Variants in MYO1B observed in about 807,000 individuals in gnomAD.
MYO1B encodes myosin IB.
In MYO1B, 72 loss-of-function variants were observed where a neutral mutation model predicts 159.7. The observed-to-expected ratio is 0.45, with a 90% confidence interval of 0.37 to 0.55. MYO1B has a LOEUF of 0.55. MYO1B is among the 20% of genes least tolerant of loss of function. The pLI is 0.00. For missense variants in MYO1B, 1,062 were observed against 1,364.8 expected, an observed-to-expected ratio of 0.78 and a Z score of 3.50; for synonymous variants, 468 against 473.8, an observed-to-expected ratio of 0.99 and a Z score of 0.16.
chr2:191,254,581 G>A (rs922765530), intron 1 of MYO1B, among the ~76,000 whole-genome samples: 59 of 151,868 alleles, frequency 3.9e-4, no homozygotes, highest in Non-Finnish European at 2.2e-4. Flanking sequence ...TCGTAGCTCG[G>A]TGCAGCCTCA....
At chr2:191,345,191 G>A (rs1276832638) in intron 5 of MYO1B, among the ~76,000 whole-genome samples, 2 of 152,158 alleles carry the variant, frequency 1.3e-5, no homozygotes, top group African/African-American at 4.8e-5. Context: ...GGGAGGCTTG[G>A]TAGAAACGGA....
chr2:191,369,227 C>T (rs1694206446), intron 11 of MYO1B, among the ~76,000 whole-genome samples: 1 of 152,184 alleles, frequency 6.6e-6, no homozygotes, highest in Admixed American at 6.5e-5. Flanking sequence ...GTTTCTCTTA[C>T]TACCCCCTAT....
rs139797194 is a variant in MYO1B at position 191,346,096 on chromosome 2, A to G, written c.452-140A>G. ...TAAGACTTCTGTTAAGTATATTTCTATGGAAGTTTTGGACAGAAATATCAT... is the reference window on the plus strand; with the variant it reads ...TAAGACTTCTGTTAAGTATATTTCTGTGGAAGTTTTGGACAGAAATATCAT... On this transcript the variant is annotated intron_variant, in intron 5 of 30. Coordinates refer to ENST00000392318, the MANE Select transcript of MYO1B (RefSeq NM_001130158.3). 2,075 of 676,816 alleles carry G rather than the reference A, an allele frequency of 3.1e-3. 26 individuals carry two copies. In the African/African-American group the frequency reaches 0.036, roughly 12 times the overall value. The allele number at this position is 676,816 out of a possible 1,614,324, so 41.9% of individuals were successfully genotyped here.
chr2:191,279,417 GT>G (rs1687924211), intron 2 of MYO1B, among the ~76,000 whole-genome samples: 1 of 148,860 alleles, frequency 6.7e-6, no homozygotes, highest in South Asian at 2.3e-4. Flanking sequence ...TTACCTTCAG[GT>G]ACCATAGTGG....
chr2:191,399,111 C>G (rs903541789), intron 21 of MYO1B, among the ~76,000 whole-genome samples: 3 of 151,834 alleles, frequency 2.0e-5, no homozygotes, highest in East Asian at 1.9e-4. Context: ...CAAAAAAAAA[C>G]GAAAACCAGT....
At chr2:191,311,236 A>G (rs1375583968) in intron 3 of MYO1B, among the ~76,000 whole-genome samples, 2 of 152,154 alleles carry the variant, frequency 1.3e-5, no homozygotes, top group Non-Finnish European at 2.9e-5. Context: ...TACATTTTCT[A>G]CTAATCTTTT....
At chr2:191,344,936 G>A (rs973125456) in intron 5 of MYO1B, among the ~76,000 whole-genome samples, 6 of 151,564 alleles carry the variant, frequency 4.0e-5, no homozygotes, top group Non-Finnish European at 7.4e-5. Context: ...ACATAGGTAA[G>A]CACACACCCT....
intron 30 of MYO1B, 177 bp downstream of exon 30, chr2:191,416,419 C>A: frequency 1.5e-6 from 1 of 662,810 alleles, no homozygotes; most frequent in South Asian, 2.0e-5. Context: ...ACCTCATGTA[C>A]CTGACATCCT....
intron 30 of MYO1B, among the ~76,000 whole-genome samples, chr2:191,417,835 C>T (rs1025450971): frequency 2.6e-5 from 4 of 152,176 alleles, no homozygotes; most frequent in Admixed American, 2.0e-4. Context: ...TAGCGTGTGG[C>T]GTGAATCCTA....
Position 191,360,692 on chromosome 2 carries a change from C to G in MYO1B, c.624C>G (p.Phe208Leu). 1 of 1,613,508 alleles carries G rather than the reference C, an allele frequency of 6.2e-7. No homozygotes were observed. The stretch of plus-strand genomic sequence containing the variant: ...GAGGTGAAAGAAACTTCCATGTGTT[C>G]TATCAGCTGCTCTCTGGTGCCTCTG... ...QPRGERNFHV[F>L]YQLLSGASEE... Residue 208 changes from phenylalanine (F) to leucine (L), a missense_variant, in exon 8 of 31, where the codon TTC becomes TTG. Transcript: ENST00000392318.
chr2:191,341,777 C>T (rs1055063841), intron 5 of MYO1B, among the ~76,000 whole-genome samples: 2 of 152,120 alleles, frequency 1.3e-5, no homozygotes, highest in African/African-American at 4.8e-5. Flanking sequence ...AATGGGCTTC[C>T]TCACTTAACA....
intron 4 of MYO1B, among the ~76,000 whole-genome samples, chr2:191,331,761 A>G (rs753289956): frequency 6.6e-6 from 1 of 152,236 alleles, no homozygotes; most frequent in Non-Finnish European, 1.5e-5. Flanking sequence ...CATCCAAATT[A>G]CATGCAAAAC....
At chr2:191,327,456 A>G (rs562861263) in intron 3 of MYO1B, among the ~76,000 whole-genome samples, 2 of 152,352 alleles carry the variant, frequency 1.3e-5, no homozygotes, top group Admixed American at 6.5e-5. Context: ...TTGATCTTCT[A>G]AAGTATGTGG....
intron 15 of MYO1B, among the ~76,000 whole-genome samples, chr2:191,384,150 A>G (rs374693318): frequency 2.0e-5 from 3 of 152,356 alleles, no homozygotes; most frequent in South Asian, 2.1e-4. Flanking sequence ...TTTTTAGATC[A>G]TATTCCGTAG....
At chr2:191,370,593 C>A (rs867379216) in intron 13 of MYO1B, among the ~76,000 whole-genome samples, 9 of 152,086 alleles carry the variant, frequency 5.9e-5, no homozygotes, top group Non-Finnish European at 1.3e-4. Context: ...GTATTAGTAC[C>A]TGACTTTTGA....
chr2:191,324,370 C>T (rs888485348), intron 3 of MYO1B, among the ~76,000 whole-genome samples: 1 of 150,762 alleles, frequency 6.6e-6, no homozygotes, highest in Non-Finnish European at 1.5e-5. Context: ...ATTTTTTATT[C>T]GTATAATTCC....
Position 191,396,439 on chromosome 2 carries a change from G to C in MYO1B, c.2237G>C (p.Arg746Thr). The C allele has an allele frequency of 1.2e-6, 2 of 1,614,172 alleles. No individual in the cohort carries two copies. The highest frequency in any genetic ancestry group is 1.7e-6 in the Non-Finnish European group (2 of 1,180,016). Residue 746 changes from arginine (R) to threonine (T), a missense_variant, in exon 21 of 31, where the codon AGG becomes ACG. Coordinates refer to ENST00000392318, the MANE Select transcript of MYO1B (RefSeq NM_001130158.3). ...CCTTTTATCCTACAGCAACAAAAGA[G>C]GTACCAGCAGACAAAGAGTTCCGCC... ...AWYRRYAQQK[R>T]YQQTKSSALV...
At chr2:191,263,420 C>A in intron 1 of MYO1B, 1 of 754,684 alleles carries the variant, frequency 1.3e-6, no homozygotes, top group Non-Finnish European at 1.6e-6. Context: ...ACCAGAGGGG[C>A]CTTATAATTT....
intron 30 of MYO1B, among the ~76,000 whole-genome samples, chr2:191,421,249 T>C (rs957662317): frequency 5.9e-5 from 9 of 151,848 alleles, no homozygotes; most frequent in African/African-American, 2.2e-4. Context: ...TTTGTATTTT[T>C]AGTAAAGACG....
Sources: allele counts gnomAD v4.1 joint callset (sites outside exome capture counted in the v4.1 genomes callset), GRCh38; gene constraint gnomAD v4.1.1; transcripts MANE v1.5; gene names NCBI Gene and HGNC (gene_info 2026-07-23, HGNC 2026-07-21).